LRRC17: variants seen among roughly 807,000 people sequenced by gnomAD.
LRRC17 encodes leucine rich repeat containing 17, also known as leucine-rich repeat-containing protein 17.
LRRC17 carries 33 observed loss-of-function variants against 41.5 expected under a neutral mutation model. The observed-to-expected ratio is 0.80, with a 90% CI of 0.60 to 1.06. The LOEUF (loss-of-function observed/expected upper bound fraction) is 1.06. Ranked by LOEUF, LRRC17 falls within the 50% of genes least tolerant of loss-of-function variation. LRRC17 has a pLI of 0.00. For synonymous variants in LRRC17, 192 were observed against 197.0 expected, an observed-to-expected ratio of 0.97 and a Z score of 0.21; for missense variants, 491 against 519.3, an observed-to-expected ratio of 0.95 and a Z score of 0.53.
intron 1 of LRRC17, among the ~76,000 whole-genome samples, chr7:102,919,296 G>A (rs568635660): frequency 6.6e-6 from 1 of 152,262 alleles, no homozygotes; most frequent in South Asian, 2.1e-4. Flanking sequence ...AGAGAAGGCA[G>A]TATGCTAATG....
chr7:102,929,498 C>CA (rs963074191), intron 1 of LRRC17, among the ~76,000 whole-genome samples: 2 of 151,250 alleles, frequency 1.3e-5, no homozygotes, highest in African/African-American at 4.9e-5. Flanking sequence ...CCCATCTCTA[C>CA]AAAAAAAATT....
chr7:102,937,506 CAA>C (rs10642422), intron 2 of LRRC17, among the ~76,000 whole-genome samples: 1 of 113,532 alleles, frequency 8.8e-6, no homozygotes, highest in African/African-American at 3.5e-5. Flanking sequence ...GACTCTGTCT[CAA>C]AAAAAAAAAA....
intron 1 of LRRC17, among the ~76,000 whole-genome samples, chr7:102,923,824 C>T (rs945890715): frequency 4.6e-5 from 7 of 151,362 alleles, no homozygotes; most frequent in African/African-American, 1.7e-4. Context: ...GATGCCATCT[C>T]AAAATAAATA....
chr7:102,924,918 C>T (rs553065241), intron 1 of LRRC17, among the ~76,000 whole-genome samples: 22 of 152,190 alleles, frequency 1.4e-4, no homozygotes, highest in Non-Finnish European at 2.9e-4. Flanking sequence ...CGTGAGCCAC[C>T]GTGCCCGGCC....
In LRRC17 at chr7:102,913,150, T is replaced by C. The variant is rs1286167363; in HGVS notation, c.-141+5T>C. On this transcript the variant is annotated splice_donor_5th_base_variant and intron_variant, in intron 1 of 3. Transcript: ENST00000339431. ...GCATCCATTCCCCAAGTTCAGGTAC[T>C]GTAAGCCTTTGTCTGTGAACCGTCT... The C allele has an allele frequency of 1.8e-5, 29 of 1,614,070 alleles. No homozygotes were observed. Among genetic ancestry groups the C allele is most frequent in the Non-Finnish European group, 2.2e-5 (26 of 1,180,040 alleles).
chr7:102,919,425 TAAG>T (rs2129470101), intron 1 of LRRC17, among the ~76,000 whole-genome samples: 1 of 152,300 alleles, frequency 6.6e-6, no homozygotes, highest in South Asian at 2.1e-4. Context: ...ATTGAAGCAT[TAAG>T]AATAAAAATG....
chr7:102,918,252 CA>C (rs1298509510), intron 1 of LRRC17, among the ~76,000 whole-genome samples: 2 of 151,838 alleles, frequency 1.3e-5, no homozygotes, highest in African/African-American at 2.4e-5. Flanking sequence ...TTTTATATGG[CA>C]AAAAAATCAG....
At chr7:102,924,871 C>T (rs1175704155) in intron 1 of LRRC17, among the ~76,000 whole-genome samples, 1 of 151,926 alleles carries the variant, frequency 6.6e-6, no homozygotes, top group Non-Finnish European at 1.5e-5. Context: ...CCTCATGATC[C>T]ACCCGCCCCG....
At chr7:102,940,975 T>A (rs558023446) in intron 3 of LRRC17, among the ~76,000 whole-genome samples, 13 of 152,332 alleles carry the variant, frequency 8.5e-5, no homozygotes, top group African/African-American at 2.9e-4. Flanking sequence ...TCTAATACCA[T>A]TAATAGAACA....
At chr7:102,926,474 T>C in intron 1 of LRRC17, 10 of 853,166 alleles carry the variant, frequency 1.2e-5, no homozygotes, top group Non-Finnish European at 1.8e-5. Flanking sequence ...CAGAAAAAAA[T>C]ACATGTAAGA....
In LRRC17 at chr7:102,941,952, G is replaced by A. The variant is rs140875818; in HGVS notation, c.929-2258G>A. On this transcript the variant is annotated intron_variant, in intron 3 of 3. Transcript: ENST00000339431. ...TACTGATGTTTTTCACATGTTTCCC[G>A]TAACTGATACTTTTCATCAGTTGTG... 1.3e-3 allele frequency among the ~76,000 whole-genome samples: 195 copies of A among 152,230 alleles called. 1 individual carries two copies. The highest frequency in any genetic ancestry group is 0.011 in the Admixed American group (164 of 15,280).
chr7:102,932,152 G>A (rs574083696), intron 1 of LRRC17, among the ~76,000 whole-genome samples: 1 of 152,242 alleles, frequency 6.6e-6, no homozygotes. Flanking sequence ...GAGGATTATA[G>A]GAGTAAGGGG....
At chr7:102,924,807 A>AT (rs1817767274) in intron 1 of LRRC17, among the ~76,000 whole-genome samples, 2 of 151,436 alleles carry the variant, frequency 1.3e-5, no homozygotes, top group Non-Finnish European at 2.9e-5. Context: ...CACCCGGCTA[A>AT]TTTTTTCTAT....
At chr7:102,918,806 T>C (rs1816414629) in intron 1 of LRRC17, among the ~76,000 whole-genome samples, 1 of 152,188 alleles carries the variant, frequency 6.6e-6, no homozygotes, top group Non-Finnish European at 1.5e-5. Flanking sequence ...ATCATCTACT[T>C]TGTAAGTTCA....
At chr7:102,914,295 ACT>A (rs1815385180) in intron 1 of LRRC17, among the ~76,000 whole-genome samples, 1 of 152,064 alleles carries the variant, frequency 6.6e-6, no homozygotes, top group Non-Finnish European at 1.5e-5. Flanking sequence ...CTGGCCTCGA[ACT>A]CCTGACCTCA....
chr7:102,919,800 T>C (rs941537810), intron 1 of LRRC17, among the ~76,000 whole-genome samples: 2 of 152,344 alleles, frequency 1.3e-5, no homozygotes, highest in Admixed American at 1.3e-4. Flanking sequence ...TATCTGACTC[T>C]CATGCATCTT....
chr7:102,915,122 A>ATTTT (rs386410852), intron 1 of LRRC17, among the ~76,000 whole-genome samples: 73 of 128,096 alleles, frequency 5.7e-4, no homozygotes, highest in African/African-American at 2.0e-3. Flanking sequence ...AGATTAAAAT[A>ATTTT]TTTTTTTTTT....
chr7:102,942,644 T>C (rs1329460004), intron 3 of LRRC17, among the ~76,000 whole-genome samples: 5 of 152,126 alleles, frequency 3.3e-5, no homozygotes, highest in Non-Finnish European at 5.9e-5. Context: ...TTTTAGCAAA[T>C]AGAAAAAATC....
intron 2 of LRRC17, 148 bp downstream of exon 2, chr7:102,934,833 A>G (rs1030802110): frequency 2.6e-6 from 2 of 774,822 alleles, no homozygotes; most frequent in Admixed American, 3.1e-5. Context: ...AATTTACCAC[A>G]AGTTTTTCTG....
Sources: gnomAD v4.1 joint callset for allele counts (sites outside exome capture counted in the v4.1 genomes callset) on GRCh38, gnomAD v4.1.1 for gene constraint, MANE v1.5 for transcripts, NCBI Gene and HGNC (gene_info 2026-07-23, HGNC 2026-07-21) for gene names.